CDK13: variants seen among roughly 807,000 people sequenced by gnomAD.
The protein encoded by CDK13 is cyclin-dependent kinase 13.
A neutral mutation model predicts 137.6 loss-of-function variants in CDK13; 40 were observed. The observed-to-expected ratio is 0.29, with a 90% confidence interval of 0.23 to 0.38. The LOEUF is 0.38. CDK13 is among the 10% of genes least tolerant of loss of function. The pLI is 1.00. For missense variants in CDK13, 1,704 were observed against 1,951.8 expected (o/e 0.87, Z 2.39); for synonymous variants, 869 against 760.1 (o/e 1.14, Z -2.36).
intron 5 of CDK13, among the ~76,000 whole-genome samples, chr7:40,034,944 G>A (rs1785450628): frequency 6.6e-6 from 1 of 152,030 alleles, no homozygotes; most frequent in African/African-American, 2.4e-5. Flanking sequence ...TTTCAGTTGG[G>A]TTATTTGCTG....
At chr7:39,969,093 T>G (rs372632070) in intron 1 of CDK13, among the ~76,000 whole-genome samples, 236 of 152,244 alleles carry the variant, frequency 1.6e-3, no homozygotes, top group African/African-American at 5.6e-3. Context: ...AACTGCAACC[T>G]CTACCTCCCA....
chr7:40,084,388 G>A (rs1312821614), intron 11 of CDK13, among the ~76,000 whole-genome samples: 1 of 152,196 alleles, frequency 6.6e-6, no homozygotes, highest in Non-Finnish European at 1.5e-5. Context: ...TGAGGTACAA[G>A]AATTGCTTGA....
chr7:40,017,538 T>C (rs1785027993), intron 5 of CDK13, among the ~76,000 whole-genome samples: 1 of 152,120 alleles, frequency 6.6e-6, no homozygotes, highest in South Asian at 2.1e-4. Context: ...AACCTTTTTT[T>C]CCATAATTTT....
At chr7:40,054,583 A>G (rs1785970081) in intron 7 of CDK13, among the ~76,000 whole-genome samples, 1 of 152,068 alleles carries the variant, frequency 6.6e-6, no homozygotes, top group African/African-American at 2.4e-5. Context: ...GGCACCTGCC[A>G]CCACACCCAG....
At chr7:39,988,602 A>G (rs1413497366) in intron 2 of CDK13, among the ~76,000 whole-genome samples, 1 of 152,178 alleles carries the variant, frequency 6.6e-6, no homozygotes, top group Non-Finnish European at 1.5e-5. Flanking sequence ...AGTTGGCCCT[A>G]GTTAATATAC....
At chr7:40,091,199 G>C (rs1419499407) in intron 12 of CDK13, among the ~76,000 whole-genome samples, 2 of 151,990 alleles carry the variant, frequency 1.3e-5, no homozygotes, top group Non-Finnish European at 2.9e-5. Context: ...CAAAAAATTA[G>C]CCGGGCGTGG....
intron 1 of CDK13, among the ~76,000 whole-genome samples, chr7:39,978,651 G>A (rs759671447): frequency 6.6e-6 from 1 of 152,200 alleles, no homozygotes; most frequent in Non-Finnish European, 1.5e-5. Flanking sequence ...TTGTCATAGA[G>A]TAGCCTAGCA....
At chr7:40,047,390 C>G (rs1247212740) in intron 6 of CDK13, among the ~76,000 whole-genome samples, 9 of 152,110 alleles carry the variant, frequency 5.9e-5, no homozygotes, top group Admixed American at 6.5e-5. Context: ...CACCTAGCCC[C>G]TCTAAAACTG....
intron 5 of CDK13, among the ~76,000 whole-genome samples, chr7:40,017,937 T>A (rs773410): frequency 0.49 from 73,628 of 150,492 alleles, 18,991 homozygotes; most frequent in East Asian, 0.66. Flanking sequence ...TTTTTTTTTT[T>A]AAATTCCCAC....
chr7:40,009,206 C>G (rs545068007), intron 5 of CDK13, among the ~76,000 whole-genome samples: 13 of 152,210 alleles, frequency 8.5e-5, no homozygotes, highest in Non-Finnish European at 1.8e-4. Context: ...ATGGAAGGTT[C>G]TGCTTCTTTT....
At chr7:39,964,912 G>A (rs1783833846) in intron 1 of CDK13, among the ~76,000 whole-genome samples, 1 of 152,168 alleles carries the variant, frequency 6.6e-6, no homozygotes, top group African/African-American at 2.4e-5. Context: ...AGGTTGTTCA[G>A]TTTCCATGTA....
chr7:40,085,190 G>C (rs969105396), intron 11 of CDK13, among the ~76,000 whole-genome samples: 9 of 152,022 alleles, frequency 5.9e-5, no homozygotes, highest in Non-Finnish European at 8.8e-5. Context: ...GGGAAACCCC[G>C]TCTCTACTAA....
chr7:40,084,392 T>C (rs1341874896), intron 11 of CDK13, among the ~76,000 whole-genome samples: 2 of 152,162 alleles, frequency 1.3e-5, no homozygotes, highest in Non-Finnish European at 2.9e-5. Flanking sequence ...GTACAAGAAT[T>C]GCTTGAATCC....
intron 5 of CDK13, among the ~76,000 whole-genome samples, chr7:40,026,519 A>G (rs1354314396): frequency 1.3e-5 from 2 of 152,232 alleles, no homozygotes; most frequent in Admixed American, 6.5e-5. Flanking sequence ...CCTCAGAAAT[A>G]AATAAATAAC....
intron 5 of CDK13, among the ~76,000 whole-genome samples, chr7:40,005,290 A>AT (rs34406657): frequency 1.4e-5 from 2 of 139,220 alleles, no homozygotes; most frequent in African/African-American, 2.7e-5. Context: ...TTTAAAGTGA[A>AT]TTTTTTTTTT....
At chr7:39,977,269 CA>C (rs1227336826) in intron 1 of CDK13, among the ~76,000 whole-genome samples, 1 of 152,254 alleles carries the variant, frequency 6.6e-6, no homozygotes, top group East Asian at 1.9e-4. Context: ...TAGGACCAGA[CA>C]AATTATGCAG....
chr7:39,975,622 T>C (rs1409135744), intron 1 of CDK13, among the ~76,000 whole-genome samples: 4 of 152,158 alleles, frequency 2.6e-5, no homozygotes, highest in Non-Finnish European at 1.5e-5. Context: ...ATGTATGCAT[T>C]AATGTTGAAA....
At chr7:40,027,782 T>C (rs537793609) in intron 5 of CDK13, among the ~76,000 whole-genome samples, 13 of 151,778 alleles carry the variant, frequency 8.6e-5, no homozygotes, top group African/African-American at 3.1e-4. Flanking sequence ...TACAGTTCTC[T>C]TACGAGGTTG....
chr7:39,984,553 A>G (rs1034205244), intron 1 of CDK13: 2 of 152,200 alleles, frequency 1.3e-5, no homozygotes, highest in Non-Finnish European at 2.9e-5. Flanking sequence ...ACAGGCATGC[A>G]TGCATATTAG....
Sources: allele counts gnomAD v4.1 joint callset (sites outside exome capture counted in the v4.1 genomes callset), GRCh38; gene constraint gnomAD v4.1.1; transcripts MANE v1.5; gene names NCBI Gene and HGNC (gene_info 2026-07-23, HGNC 2026-07-21).